Variants in GAB2 observed in about 807,000 individuals in gnomAD.
GAB2 encodes the protein GRB2-associated-binding protein 2.
A neutral mutation model predicts 65.5 loss-of-function variants in GAB2; 26 were observed. The ratio of observed to expected loss-of-function variants is 0.40; its 90% CI spans 0.29 to 0.55. The LOEUF (loss-of-function observed/expected upper bound fraction) is 0.55. Ranked by LOEUF, GAB2 falls within the 20% of genes least tolerant of loss-of-function variation. The probability of loss-of-function intolerance (pLI) is 0.53; values close to 1 mark genes in which losing one functional copy is unlikely to be tolerated. For synonymous variants in GAB2, 321 were observed against 329.6 expected (o/e 0.97, Z 0.28); for missense variants, 884 against 875.8 (o/e 1.01, Z -0.12).
chr11:78,221,890 T>C (rs570629733), intron 7 of GAB2, 111 bp from the exon 8 acceptor site: 1 of 725,686 alleles, frequency 1.4e-6, no homozygotes, highest in African/African-American at 1.8e-5. Context: ...CCATTAGAGC[T>C]GCACACTCCA....
chr11:78,345,348 C>T (rs764934900), intron 1 of GAB2, among the ~76,000 whole-genome samples: 38 of 152,090 alleles, frequency 2.5e-4, no homozygotes, highest in Non-Finnish European at 4.4e-4. Flanking sequence ...GAAACTAGAG[C>T]TATATTTATC....
chr11:78,346,779 C>T (rs1395573252), intron 1 of GAB2, among the ~76,000 whole-genome samples: 1 of 142,558 alleles, frequency 7.0e-6, no homozygotes, highest in Non-Finnish European at 1.5e-5. Flanking sequence ...GACTCAGAGA[C>T]TCTTTCAAGA....
rs768693943 is a variant in GAB2, at chr11:78,300,526, A to AAAAAAAAAC, written c.76-19626_76-19625insGTTTTTTTT. 1.6e-3 allele frequency among the ~76,000 whole-genome samples: 239 copies of AAAAAAAAAC among 145,500 alleles called. 1 individual carries two copies. The highest frequency in any genetic ancestry group is 7.2e-3 in the Middle Eastern group (2 of 278). On this transcript the variant is annotated intron_variant, in intron 1 of 9. Coordinates refer to ENST00000361507, the MANE Select transcript of GAB2 (RefSeq NM_080491.3). ...CTACGTTTAATTTTATAAAAAAACAAAAAAACAAAAAACTACCACATTGTT... is the reference window on the plus strand; with the variant it reads ...CTACGTTTAATTTTATAAAAAAACAAAAAAAAAACAAAAACAAAAAACTACCACATTGTT...
rs542075486 is a variant in GAB2 at position 78,220,959 on chromosome 11, CA to C, written c.1762-516del. Reference sequence around the variant, plus strand: ...GTGGCCTAGAGTGGGGTAGTCACCCCAAAGCAGCTTGCTCCCCCGCCTAGCT... The same window carrying C: ...GTGGCCTAGAGTGGGGTAGTCACCCCAAGCAGCTTGCTCCCCCGCCTAGCT... On this transcript the variant is annotated intron_variant, in intron 8 of 9. Transcript: ENST00000361507. Among the ~76,000 whole-genome samples, 187 of 152,254 alleles carry C rather than the reference CA, an allele frequency of 1.2e-3. 2 individuals are homozygous for C. Among genetic ancestry groups the C allele is most frequent in the South Asian group, 5.8e-3 (28 of 4,826 alleles).
At chr11:78,241,626 A>C (rs577968710) in intron 3 of GAB2, among the ~76,000 whole-genome samples, 2 of 152,186 alleles carry the variant, frequency 1.3e-5, no homozygotes, top group African/African-American at 4.8e-5. Flanking sequence ...AAAAAAACCC[A>C]GAAATCTTGC....
At chr11:78,284,068 C>A (rs1441588320) in intron 1 of GAB2, among the ~76,000 whole-genome samples, 4 of 152,164 alleles carry the variant, frequency 2.6e-5, no homozygotes, top group African/African-American at 9.7e-5. Context: ...TCTCCCAGAT[C>A]TGTTCTTCCT....
intron 1 of GAB2, among the ~76,000 whole-genome samples, chr11:78,320,798 T>C (rs753321657): frequency 6.8e-6 from 1 of 146,560 alleles, no homozygotes; most frequent in Non-Finnish European, 1.5e-5. Context: ...CTCAAACTCC[T>C]GGGCTCAAGT....
intron 1 of GAB2, among the ~76,000 whole-genome samples, chr11:78,339,113 A>G (rs1180107137): frequency 6.6e-6 from 1 of 151,744 alleles, no homozygotes; most frequent in East Asian, 1.9e-4. Flanking sequence ...TTTAGTAGAG[A>G]TAGGGATTTG....
In GAB2 at chr11:78,344,914, C is replaced by T. The variant is rs192356153; in HGVS notation, c.76-64013G>A. Among the ~76,000 whole-genome samples, 141 of 152,194 alleles carry T rather than the reference C, an allele frequency of 9.3e-4. 1 individual carries two copies. Among genetic ancestry groups the T allele is most frequent in the African/African-American group, 3.3e-3 (137 of 41,532 alleles). ...CAAAAGTGGTTTAATGAGTGAGTCA[C>T]ACTGCAGCCATTAAATTATCCTCAA... On this transcript the variant is annotated intron_variant, in intron 1 of 9. Transcript: ENST00000361507.
chr11:78,252,758 C>G (rs773880489), intron 2 of GAB2, among the ~76,000 whole-genome samples: 12 of 152,142 alleles, frequency 7.9e-5, no homozygotes, highest in Admixed American at 2.6e-4. Flanking sequence ...TATCCCTTCA[C>G]CTGCTGAGCA....
chr11:78,379,876 A>G (rs1447150971), intron 1 of GAB2, among the ~76,000 whole-genome samples: 2 of 152,268 alleles, frequency 1.3e-5, no homozygotes. Flanking sequence ...AACTTGCAAA[A>G]TACGTGTCAG....
chr11:78,264,745 T>G (rs1222125338), intron 2 of GAB2, among the ~76,000 whole-genome samples: 1 of 152,174 alleles, frequency 6.6e-6, no homozygotes, highest in Non-Finnish European at 1.5e-5. Flanking sequence ...ACGACAAGTG[T>G]AATGCCCCTC....
chr11:78,375,805 C>T (rs1206690647), intron 1 of GAB2, among the ~76,000 whole-genome samples: 2 of 152,196 alleles, frequency 1.3e-5, no homozygotes, highest in African/African-American at 4.8e-5. Context: ...TTGGGGACCA[C>T]GTTGTCCTAG....
Position 78,241,725 on chromosome 11 carries a change from T to G in GAB2, c.620+8432A>C, listed in dbSNP as rs2450123. Among the ~76,000 whole-genome samples the G allele has an allele frequency of 1.9e-3, 296 of 151,900 alleles. 1 individual carries two copies. The highest frequency in any genetic ancestry group is 6.9e-3 in the African/African-American group (287 of 41,434). On this transcript the variant is annotated intron_variant, in intron 3 of 9. Coordinates refer to ENST00000361507, the MANE Select transcript of GAB2 (RefSeq NM_080491.3). Reference sequence around the variant, plus strand: ...AATTAGAAGAAAGAATATCTGAACTTGAAGAAAGGTAGTTTGAAATTACCC... The same window carrying G: ...AATTAGAAGAAAGAATATCTGAACTGGAAGAAAGGTAGTTTGAAATTACCC...
chr11:78,286,615 G>T (rs551515725), intron 1 of GAB2, among the ~76,000 whole-genome samples: 271 of 147,206 alleles, frequency 1.8e-3, no homozygotes, highest in African/African-American at 6.5e-3. Flanking sequence ...ATGTTAATTT[G>T]TTCAAATTAA....
At chr11:78,265,327 C>T (rs1021554342) in intron 2 of GAB2, among the ~76,000 whole-genome samples, 2 of 151,944 alleles carry the variant, frequency 1.3e-5, no homozygotes, top group South Asian at 2.1e-4. Context: ...TTAATTCTAG[C>T]CTGGCCAGTC....
intron 1 of GAB2, among the ~76,000 whole-genome samples, chr11:78,399,130 G>A (rs138787660): frequency 9.2e-5 from 14 of 152,266 alleles, no homozygotes; most frequent in Middle Eastern, 3.4e-3. Context: ...ATGGGTTAGA[G>A]GGGTAATTAG....
chr11:78,400,303 C>T (rs1458041682), intron 1 of GAB2, among the ~76,000 whole-genome samples: 2 of 152,224 alleles, frequency 1.3e-5, no homozygotes, highest in African/African-American at 4.8e-5. Context: ...ACTTCTTCCA[C>T]ACCAAGAGCA....
Position 78,391,478 on chromosome 11 carries a change from G to A in GAB2, c.75+26168C>T, listed in dbSNP as rs117005716. 4.6e-5 allele frequency among the ~76,000 whole-genome samples: 7 copies of A among 152,226 alleles called. No homozygotes were observed. In the East Asian group the frequency reaches 1.3e-3, roughly 29 times the overall value. On this transcript the variant is annotated intron_variant, in intron 1 of 9. Coordinates refer to ENST00000361507, the MANE Select transcript of GAB2 (RefSeq NM_080491.3). ...TTCTAAGGCTAGGTCACTAAAAAAG[G>A]CCATGACATCTTCATCTTGGCCACT...
Sources: allele counts gnomAD v4.1 joint callset (sites outside exome capture counted in the v4.1 genomes callset), GRCh38; gene constraint gnomAD v4.1.1; transcripts MANE v1.5; gene names NCBI Gene and HGNC (gene_info 2026-07-23, HGNC 2026-07-21).